The following STAP1 variants were observed in gnomAD, a reference collection of about 807,000 sequenced individuals.
STAP1 encodes the protein signal transducing adaptor family member 1.
A neutral mutation model predicts 37.8 loss-of-function variants in STAP1; 30 were observed. That is an observed-to-expected ratio of 0.79 (90% CI 0.59 to 1.08). STAP1 has a LOEUF of 1.08. STAP1 is among the 50% of genes least tolerant of loss of function. The pLI is 0.00. For synonymous variants in STAP1, 130 were observed against 116.0 expected, an observed-to-expected ratio of 1.12 and a Z score of -0.78; for missense variants, 357 against 349.4, an observed-to-expected ratio of 1.02 and a Z score of -0.17.
intron 1 of STAP1, among the ~76,000 whole-genome samples, chr4:67,569,844 T>TA (rs1727559431): frequency 6.6e-6 from 1 of 152,162 alleles, no homozygotes. Context: ...ATTCTTCTGC[T>TA]ACAGCCCCCT....
Position 67,570,806 on chromosome 4 carries a change from T to C in STAP1, c.121-278T>C, listed in dbSNP as rs529131947. ...TAAGCCAGGTATGGTGGCATATGCC[T>C]GTAGTCCCAGCTACTTGGAGGGGAA... On this transcript the variant is annotated intron_variant, in intron 1 of 8. Transcript: ENST00000265404. Among the ~76,000 whole-genome samples, 256 of 152,096 alleles carry C rather than the reference T, an allele frequency of 1.7e-3. 2 individuals are homozygous for C. The highest frequency in any genetic ancestry group is 3.6e-3 in the African/African-American group (148 of 41,484).
chr4:67,574,623 C>G (rs1727678654), intron 2 of STAP1, among the ~76,000 whole-genome samples: 1 of 152,234 alleles, frequency 6.6e-6, no homozygotes, highest in African/African-American at 2.4e-5. Flanking sequence ...CTTTTTAAAG[C>G]CTACACCAAG....
intron 5 of STAP1, among the ~76,000 whole-genome samples, chr4:67,582,434 G>A (rs765688999): frequency 9.2e-5 from 14 of 151,596 alleles, no homozygotes; most frequent in African/African-American, 2.4e-4. Flanking sequence ...TTGACCTGCC[G>A]AGTAGCTGGG....
At chr4:67,574,263 A>G (rs1727670836) in intron 2 of STAP1, among the ~76,000 whole-genome samples, 1 of 152,104 alleles carries the variant, frequency 6.6e-6, no homozygotes. Flanking sequence ...TAACTCTTGC[A>G]TTGGTAACCA....
chr4:67,575,826 A>G (rs1327702358), intron 3 of STAP1, among the ~76,000 whole-genome samples: 1 of 152,180 alleles, frequency 6.6e-6, no homozygotes, highest in Non-Finnish European at 1.5e-5. Context: ...AATAACATAA[A>G]GAGAACAACT....
At chr4:67,581,559 A>AAC in intron 5 of STAP1, 88 bp downstream of exon 5, 2 of 1,431,260 alleles carry the variant, frequency 1.4e-6, no homozygotes, top group Non-Finnish European at 1.9e-6. Context: ...TGCTCTTGTT[A>AAC]AGCCAGGGAC....
At chr4:67,567,765 G>C (rs12511588) in intron 1 of STAP1, among the ~76,000 whole-genome samples, 6,454 of 152,210 alleles carry the variant, frequency 0.042, 377 homozygotes, top group South Asian at 0.21. Context: ...TAAAAGAATG[G>C]ATAGAGTGAG....
chr4:67,599,554 T>G (rs1472188422), intron 8 of STAP1, among the ~76,000 whole-genome samples: 1 of 152,142 alleles, frequency 6.6e-6, no homozygotes, highest in Non-Finnish European at 1.5e-5. Context: ...AGTTGTAATG[T>G]CTCCTTTTAA....
rs1728464301 is a variant in STAP1, at chr4:67,607,007, A to T, written c.*650A>T. 1 of 152,190 alleles carries T rather than the reference A, an allele frequency of 6.6e-6. No individual in the cohort carries two copies. The highest frequency in any genetic ancestry group is 6.5e-5 in the Admixed American group (1 of 15,274). 9.4% of individuals were successfully genotyped at this position (152,190 alleles called of 1,614,324 possible). A position where few individuals can be genotyped will look rare whatever the true frequency, so the allele number is the denominator to read the frequency against. The stretch of plus-strand genomic sequence containing the variant: ...TCGTAAGTACGATGAGCCTGATTAT[A>T]AGTACCTGGAGTTCTTAAAAATATG... On this transcript the variant is annotated 3_prime_UTR_variant, in exon 9 of 9. Coordinates refer to ENST00000265404, the MANE Select transcript of STAP1 (RefSeq NM_012108.4).
intron 1 of STAP1, among the ~76,000 whole-genome samples, chr4:67,569,678 G>T (rs962197079): frequency 1.3e-5 from 2 of 151,486 alleles, no homozygotes; most frequent in Non-Finnish European, 2.9e-5. Flanking sequence ...CTAGGCCTAC[G>T]CAGGGTCAAG....
chr4:67,570,984 A>G (rs1367721919), intron 1 of STAP1, 100 bp from the exon 2 acceptor site: 2 of 925,776 alleles, frequency 2.2e-6, no homozygotes, highest in Non-Finnish European at 3.5e-6. Flanking sequence ...AAGACTTCTT[A>G]TATCACACAA....
At chr4:67,597,495 C>G (rs191786896) in intron 8 of STAP1, among the ~76,000 whole-genome samples, 94 of 152,280 alleles carry the variant, frequency 6.2e-4, no homozygotes, top group African/African-American at 2.1e-3. Flanking sequence ...CACCATCCTC[C>G]AGAACCCAGA....
chr4:67,589,022 A>G (rs1560464553), intron 6 of STAP1, among the ~76,000 whole-genome samples: 1 of 152,226 alleles, frequency 6.6e-6, no homozygotes. Flanking sequence ...CCATTTATAG[A>G]TGAAGAAAAT....
At chr4:67,601,434 C>T (rs1049254760) in intron 8 of STAP1, among the ~76,000 whole-genome samples, 11 of 152,038 alleles carry the variant, frequency 7.2e-5, no homozygotes, top group African/African-American at 2.7e-4. Flanking sequence ...TGTCTATTAC[C>T]ACCAGTGAGT....
chr4:67,580,732 A>G (rs909548031), intron 4 of STAP1, among the ~76,000 whole-genome samples: 1 of 152,250 alleles, frequency 6.6e-6, no homozygotes, highest in African/African-American at 2.4e-5. Context: ...TCTCTAGGAA[A>G]GGTAACAACC....
intron 1 of STAP1, among the ~76,000 whole-genome samples, chr4:67,570,871 G>T (rs148352659): frequency 1.3e-5 from 2 of 151,916 alleles, no homozygotes; most frequent in African/African-American, 2.4e-5. Context: ...GAGTTGGAGA[G>T]TCCAGCCTGG....
chr4:67,592,436 C>T (rs1728139032), intron 7 of STAP1, among the ~76,000 whole-genome samples: 1 of 152,144 alleles, frequency 6.6e-6, no homozygotes, highest in African/African-American at 2.4e-5. Context: ...TACTAAAATG[C>T]TTAAATTCTC....
intron 5 of STAP1, among the ~76,000 whole-genome samples, chr4:67,581,782 A>T (rs906880714): frequency 6.6e-6 from 1 of 152,146 alleles, no homozygotes; most frequent in African/African-American, 2.4e-5. Context: ...ATATTTTTTC[A>T]CTATGCAAAC....
intron 6 of STAP1, among the ~76,000 whole-genome samples, chr4:67,587,718 TC>T (rs1478555645): frequency 4.9e-4 from 43 of 87,456 alleles, no homozygotes; most frequent in African/African-American, 1.5e-3. Context: ...TTTCTTTCTT[TC>T]TTTTTTTTTT....
Sources: gnomAD v4.1 joint callset for allele counts (sites outside exome capture counted in the v4.1 genomes callset) on GRCh38, gnomAD v4.1.1 for gene constraint, MANE v1.5 for transcripts, NCBI Gene and HGNC (gene_info 2026-07-23, HGNC 2026-07-21) for gene names.